GSTM4: variants seen among roughly 807,000 people sequenced by gnomAD.
GSTM4 encodes GST class-mu 4.
GSTM4 carries 27 observed loss-of-function variants against 30.1 expected under a neutral mutation model. The observed-to-expected ratio is 0.90, with a 90% CI of 0.66 to 1.24. The LOEUF is 1.24. Ranked by LOEUF, GSTM4 falls within the 50% of genes most tolerant of loss-of-function variation. The probability of loss-of-function intolerance (pLI) is 0.00; values close to 1 mark genes in which losing one functional copy is unlikely to be tolerated. For synonymous variants in GSTM4, 94 were observed against 96.2 expected (o/e 0.98, Z 0.13); for missense variants, 238 against 272.1 (o/e 0.87, Z 0.88).
Position 109,656,274 on chromosome 1 carries a change from G to C in GSTM4, c.-116G>C, listed in dbSNP as rs577126711. ...GACCTTGAAGATCGGCGGGCGCAGC[G>C]GGGCCGAGGGGGCGGGTCTGGCGCT... On this transcript the variant is annotated 5_prime_UTR_variant, in exon 1 of 8. Transcript: ENST00000369836. 4.6e-5 allele frequency: 46 copies of C among 1,007,794 alleles called. 1 individual carries two copies. The South Asian group carries it at 5.9e-4, about 13-fold the overall frequency. The allele number at this position is 1,007,794 out of a possible 1,614,324, so 62.4% of individuals were successfully genotyped here.
downstream of GSTM4, among the ~76,000 whole-genome samples, chr1:109,664,753 T>C (rs897614190): frequency 6.6e-6 from 1 of 152,166 alleles, no homozygotes; most frequent in Admixed American, 6.5e-5. Context: ...TTTCATCTTA[T>C]AATATTTTTA....
intron 7 of GSTM4, chr1:109,659,974 C>G (rs765353875): frequency 3.8e-6 from 1 of 260,762 alleles, no homozygotes; most frequent in Non-Finnish European, 7.5e-6. Context: ...GTGGCACCAC[C>G]TGGGTACCAG....
chr1:109,656,249 G>T lies in GSTM4; in HGVS notation c.-141G>T. On this transcript the variant is annotated 5_prime_UTR_variant, in exon 1 of 8. Transcript: ENST00000369836. The stretch of plus-strand genomic sequence containing the variant: ...TGAAGATCGGCCGGTTGGAAGTGAC[G>T]ACCTTGAAGATCGGCGGGCGCAGCG... 1 of 826,596 alleles carries T rather than the reference G, an allele frequency of 1.2e-6. No individual in the cohort carries two copies. The highest frequency in any genetic ancestry group is 2.1e-6 in the Non-Finnish European group (1 of 473,528). 51.2% of individuals were successfully genotyped at this position (826,596 alleles called of 1,614,324 possible). A position where few individuals can be genotyped will look rare whatever the true frequency, so the allele number is the denominator to read the frequency against.
At chr1:109,663,012 C>T (rs1007621101), downstream of GSTM4, among the ~76,000 whole-genome samples, 1 of 152,154 alleles carries the variant, frequency 6.6e-6, no homozygotes, top group African/African-American at 2.4e-5. Context: ...CAACATAATT[C>T]CATCATTCAT....
At position 109,657,643 on chromosome 1, in the gene GSTM4, G is replaced by A. The variant is rs1223623762; in HGVS notation, c.231G>A (p.Leu77=). 1.2e-6 allele frequency: 2 copies of A among 1,614,140 alleles called. No homozygotes were observed. Among genetic ancestry groups the A allele is most frequent in the African/African-American group, 2.7e-5 (2 of 74,946 alleles). The stretch of plus-strand genomic sequence containing the variant: ...AGATCACCCAGAGCAACGCCATCCT[G>A]TGCTACATTGCCCGCAAGCACAACC... The part of the protein sequence containing the change: ...AHKITQSNAI[L]CYIARKHNLC... The change falls in exon 4 of 8, where the codon CTG becomes CTA. Residue 77 remains leucine, a synonymous_variant. Transcript: ENST00000369836.
chr1:109,662,554 A>G (rs529314082), downstream of GSTM4, among the ~76,000 whole-genome samples: 35 of 152,358 alleles, frequency 2.3e-4, no homozygotes, highest in South Asian at 7.1e-3. Context: ...TTCTCCAAAA[A>G]CTATATATCC....
At position 109,656,735 on chromosome 1, in the gene GSTM4, C is replaced by T; in HGVS notation, c.60C>T (p.Leu20=). 2 of 1,614,086 alleles carry T rather than the reference C, an allele frequency of 1.2e-6. No homozygotes were observed. The highest frequency in any genetic ancestry group is 2.2e-5 in the East Asian group (1 of 44,880). ...IRGLAHAIRL[L]LEYTDSSYEE... ...AGCTGGCCCACGCCATCCGCCTGCTCCTGGAATACACAGACTCAAGCTACG... is the reference window on the plus strand; with the variant it reads ...AGCTGGCCCACGCCATCCGCCTGCTTCTGGAATACACAGACTCAAGCTACG... The change falls in exon 2 of 8, where the codon CTC becomes CTT. Residue 20 remains leucine, a synonymous_variant. Coordinates refer to ENST00000369836, the MANE Select transcript of GSTM4 (RefSeq NM_000850.5).
Position 109,657,872 on chromosome 1 carries a change from T to A in GSTM4, c.360T>A (p.Phe120Leu). 1 of 1,613,480 alleles carries A rather than the reference T, an allele frequency of 6.2e-7. No homozygotes were observed. Among genetic ancestry groups the A allele is most frequent in the Non-Finnish European group, 8.5e-7 (1 of 1,179,394 alleles). The change falls in exon 5 of 8, where the codon TTT (phenylalanine) becomes TTA (leucine). Residue 120 changes from phenylalanine to leucine, a missense_variant and splice_region_variant. Coordinates refer to ENST00000369836, the MANE Select transcript of GSTM4 (RefSeq NM_000850.5). ...QLARVCYSPD[F>L]EKLKPEYLEE... ...CCAGAGTCTGCTACAGCCCTGACTT[T>A]GTGAGTCCCTCCCTGGTCTGGACCA...
chr1:109,664,851 G>A (rs1000192318), downstream of GSTM4, among the ~76,000 whole-genome samples: 4 of 152,102 alleles, frequency 2.6e-5, no homozygotes, highest in Non-Finnish European at 5.9e-5. Flanking sequence ...CACAGTCTAT[G>A]AATCTACCCG....
chr1:109,656,402 C>CT lies in GSTM4; in HGVS notation c.14dup (p.Tyr7ValfsTer34), dbSNP rs746581353. The CT allele has an allele frequency of 6.2e-6, 10 of 1,613,762 alleles. No homozygotes were observed. The highest frequency in any genetic ancestry group is 7.6e-6 in the Non-Finnish European group (9 of 1,179,808). On this transcript the variant is annotated frameshift_variant, in exon 1 of 8. Transcript: ENST00000369836. LOFTEE classifies it high-confidence loss of function. ...ACCAACCAGCATCATGTCCATGACA[C>CT]TGGGGTACTGGGACATCCGCGGGGT...
chr1:109,659,088 A>C lies in GSTM4; in HGVS notation c.545A>C (p.Lys182Thr). The change falls in exon 7 of 8, where the codon AAG (lysine) becomes ACG (threonine). Residue 182 changes from lysine to threonine, a missense_variant. By Grantham distance (78) the Lys-to-Thr change is moderately conservative. Coordinates refer to ENST00000369836, the MANE Select transcript of GSTM4 (RefSeq NM_000850.5). ...PNCLDAFPNL[K>T]DFISRFEGLE... Reference sequence around the variant, plus strand: ...TGCTTGGACGCCTTTCCAAATCTGAAGGACTTCATCTCCCGCTTTGAGGTG... The same window carrying C: ...TGCTTGGACGCCTTTCCAAATCTGACGGACTTCATCTCCCGCTTTGAGGTG... 2 of 1,614,156 alleles carry C rather than the reference A, an allele frequency of 1.2e-6. No individual in the cohort carries two copies. Among genetic ancestry groups the C allele is most frequent in the Non-Finnish European group, 1.7e-6 (2 of 1,180,038 alleles).
downstream of GSTM4, chr1:109,661,704 G>A: frequency 9.3e-7 from 1 of 1,075,090 alleles, no homozygotes; most frequent in Non-Finnish European, 1.1e-6. Flanking sequence ...AGCCACATTT[G>A]CTATAGTCTT....
chr1:109,664,604 C>G (rs1161907094), downstream of GSTM4, among the ~76,000 whole-genome samples: 1 of 151,916 alleles, frequency 6.6e-6, no homozygotes, highest in Non-Finnish European at 1.5e-5. Flanking sequence ...ACGTGATTTG[C>G]CTGCCTCAGC....
chr1:109,664,924 C>A, downstream of GSTM4: 5 of 1,494,106 alleles, frequency 3.3e-6, no homozygotes, highest in Admixed American at 3.3e-5. Flanking sequence ...TTAGTCAACT[C>A]CTGGAGAAAG....
chr1:109,657,963 A>G (rs1432340296), intron 5 of GSTM4, 91 bp downstream of exon 5: 1 of 1,076,602 alleles, frequency 9.3e-7, no homozygotes, highest in Admixed American at 1.8e-5. Context: ...ACTGCTATTG[A>G]TCCTCTGAGG....
Position 109,659,067 on chromosome 1 carries a change from T to G in GSTM4, c.524T>G (p.Leu175Trp), listed in dbSNP as rs752280887. 1.3e-5 allele frequency: 21 copies of G among 1,614,108 alleles called. No homozygotes were observed. The highest frequency in any genetic ancestry group is 1.8e-5 in the Non-Finnish European group (21 of 1,180,054). Residue 175 changes from leucine (L) to tryptophan (W), a missense_variant, in exon 7 of 8, where the codon TTG (leucine) becomes TGG (tryptophan). Transcript: ENST00000369836. ...DLHRIFEPNCLDAFPNLKDFI... is the reference protein window; with the variant it reads ...DLHRIFEPNCWDAFPNLKDFI... ...CACCGTATATTTGAGCCCAACTGCTTGGACGCCTTTCCAAATCTGAAGGAC... is the reference window on the plus strand; with the variant it reads ...CACCGTATATTTGAGCCCAACTGCTGGGACGCCTTTCCAAATCTGAAGGAC...
chr1:109,658,390 T>A, intron 5 of GSTM4: 1 of 212,196 alleles, frequency 4.7e-6, no homozygotes, highest in South Asian at 9.1e-5. Flanking sequence ...TCTCAAAATC[T>A]CATCTCTCCA....
In GSTM4 at chr1:109,656,318, C is replaced by T. The variant is rs1651975544; in HGVS notation, c.-72C>T. On this transcript the variant is annotated 5_prime_UTR_variant, in exon 1 of 8. Transcript: ENST00000369836. ...TGGCGCTAGGTCCAGCCCCTGCGTG[C>T]CGGGAACCCCAGAGGAGGTCGCAGT... The T allele has an allele frequency of 6.8e-7, 1 of 1,478,368 alleles. No individual in the cohort carries two copies. The highest frequency in any genetic ancestry group is 1.7e-5 in the Admixed American group (1 of 59,694). The allele number at this position is 1,478,368 out of a possible 1,614,324, so 91.6% of individuals were successfully genotyped here.
chr1:109,659,497 G>GCCT (rs2044994117), intron 7 of GSTM4: 7 of 836,136 alleles, frequency 8.4e-6, no homozygotes, highest in African/African-American at 1.7e-5. Context: ...TCACAGCCCA[G>GCCT]GGCACTTTGG....
Sources: gnomAD v4.1 joint callset for allele counts (sites outside exome capture counted in the v4.1 genomes callset) on GRCh38, gnomAD v4.1.1 for gene constraint, MANE v1.5 for transcripts, NCBI Gene and HGNC (gene_info 2026-07-23, HGNC 2026-07-21) for gene names.